Variants in WDR25 observed in about 807,000 individuals in gnomAD.
WDR25 encodes WD repeat-containing protein 25.
In WDR25, 35 loss-of-function variants were observed where a neutral mutation model predicts 47.7. The observed-to-expected ratio is 0.73, with a 90% CI of 0.56 to 0.97. The LOEUF (loss-of-function observed/expected upper bound fraction) is 0.97. Ranked by LOEUF, WDR25 falls within the 50% of genes least tolerant of loss-of-function variation. The probability of loss-of-function intolerance (pLI) is 0.00; values close to 1 mark genes in which losing one functional copy is unlikely to be tolerated. For missense variants in WDR25, 634 were observed against 704.7 expected, an observed-to-expected ratio of 0.90 and a Z score of 1.14; for synonymous variants, 248 against 278.9, an observed-to-expected ratio of 0.89 and a Z score of 1.10.
Position 100,452,632 on chromosome 14 carries a change from G to A in WDR25, c.823-15389G>A, listed in dbSNP as rs1899073008. Among the ~76,000 whole-genome samples the A allele has an allele frequency of 2.0e-5, 3 of 152,208 alleles. No homozygotes were observed. The South Asian group carries it at 6.2e-4, about 32-fold the overall frequency. On this transcript the variant is annotated intron_variant, in intron 2 of 6. Transcript: ENST00000402312. ...GCCAGGAGGCCAGTGCTGCTACAGT[G>A]GAGTCAGGGCAGGTGACACAAGATT...
chr14:100,455,240 TGGAACTGAAAAATACA>T (rs1899162672), intron 2 of WDR25: 1 of 152,220 alleles, frequency 6.6e-6, no homozygotes, highest in East Asian at 1.9e-4. Context: ...TGTTAAATTC[TGGAACTGAAAAATACA>T]GTATCTGAAA....
chr14:100,414,179 G>T (rs998552844), intron 2 of WDR25, among the ~76,000 whole-genome samples: 1 of 151,918 alleles, frequency 6.6e-6, no homozygotes, highest in Non-Finnish European at 1.5e-5. Flanking sequence ...TGTATTTTTA[G>T]TAGAGACGAG....
intron 2 of WDR25, among the ~76,000 whole-genome samples, chr14:100,426,705 T>C (rs1427852334): frequency 8.5e-5 from 13 of 152,188 alleles, no homozygotes; most frequent in East Asian, 3.9e-4. Context: ...CGGCTATCCA[T>C]CTTTCCCATG....
chr14:100,458,070 A>G (rs1899262617), intron 2 of WDR25, among the ~76,000 whole-genome samples: 1 of 152,214 alleles, frequency 6.6e-6, no homozygotes, highest in African/African-American at 2.4e-5. Context: ...TCAATTATGG[A>G]TGAAATGGTC....
intron 2 of WDR25, among the ~76,000 whole-genome samples, chr14:100,387,206 T>C (rs1176630867): frequency 1.3e-5 from 2 of 152,024 alleles, no homozygotes; most frequent in East Asian, 3.9e-4. Context: ...AGGAAGCATG[T>C]TTCTGATTCC....
At chr14:100,442,361 C>A (rs1898696251) in intron 2 of WDR25, among the ~76,000 whole-genome samples, 1 of 152,162 alleles carries the variant, frequency 6.6e-6, no homozygotes, top group South Asian at 2.1e-4. Flanking sequence ...GGGTCTTCAC[C>A]CTGGGGGAGC....
intron 4 of WDR25, among the ~76,000 whole-genome samples, chr14:100,509,869 A>G (rs555044127): frequency 1.6e-4 from 25 of 152,256 alleles, no homozygotes; most frequent in African/African-American, 6.0e-4. Context: ...GTTGAAAACA[A>G]TATCTGTGCC....
chr14:100,491,856 C>G (rs904829718), intron 4 of WDR25, among the ~76,000 whole-genome samples: 1 of 152,150 alleles, frequency 6.6e-6, no homozygotes, highest in Non-Finnish European at 1.5e-5. Flanking sequence ...TAACCTCAGG[C>G]CTGAAAACAG....
rs112916228 is a variant in WDR25, at chr14:100,498,079, A to G, written c.1101+13955A>G. On this transcript the variant is annotated intron_variant, in intron 4 of 6. Coordinates refer to ENST00000402312, the MANE Select transcript of WDR25 (RefSeq NM_001161476.3). This position sits in a 1 kb window ranked among gnomAD's most constrained non-coding sequence, Gnocchi z 4.2. ...TGTATGACTTTAGGAAAGTTTGTGC[A>G]ATTCAATTTGTGCCCCAACAAATAG... Among the ~76,000 whole-genome samples the G allele has an allele frequency of 2.6e-3, 399 of 152,344 alleles. 3 individuals carry two copies. The highest frequency in any genetic ancestry group is 0.013 in the East Asian group (66 of 5,188).
At chr14:100,448,196 A>AT (rs1898903001) in intron 2 of WDR25, among the ~76,000 whole-genome samples, 1 of 134,746 alleles carries the variant, frequency 7.4e-6, no homozygotes, top group Admixed American at 7.0e-5. Flanking sequence ...TCCGTCTCAA[A>AT]AAAAAAAAAA....
intron 2 of WDR25, among the ~76,000 whole-genome samples, chr14:100,382,572 G>A (rs926842497): frequency 6.6e-6 from 1 of 152,198 alleles, no homozygotes; most frequent in Non-Finnish European, 1.5e-5. Context: ...TGAAGTGATA[G>A]TAATGTAGTC....
At chr14:100,435,500 G>A (rs1898473402) in intron 2 of WDR25, among the ~76,000 whole-genome samples, 2 of 152,174 alleles carry the variant, frequency 1.3e-5, no homozygotes, top group Non-Finnish European at 2.9e-5. Flanking sequence ...AAAAATGATA[G>A]TGATATGTGA....
intron 2 of WDR25, among the ~76,000 whole-genome samples, chr14:100,448,210 A>AG (rs1329501628): frequency 2.0e-5 from 3 of 151,716 alleles, no homozygotes; most frequent in Non-Finnish European, 4.4e-5. Flanking sequence ...AAAAAAAAAA[A>AG]AAGAAGATTT....
chr14:100,450,312 C>T (rs1037015126), intron 2 of WDR25, among the ~76,000 whole-genome samples: 15 of 152,208 alleles, frequency 9.9e-5, no homozygotes, highest in African/African-American at 3.6e-4. Flanking sequence ...CACCTCACCC[C>T]TTCCTCTGGA....
intron 2 of WDR25, among the ~76,000 whole-genome samples, chr14:100,445,476 C>G (rs1196087746): frequency 6.6e-6 from 1 of 152,010 alleles, no homozygotes; most frequent in Non-Finnish European, 1.5e-5. Flanking sequence ...AAAACTCACA[C>G]CAAGGGTTTC....
Position 100,381,024 on chromosome 14 carries a change from G to A in WDR25, c.100G>A (p.Gly34Ser), listed in dbSNP as rs767532450. The change falls in exon 2 of 7, where the codon GGC becomes AGC. Residue 34 changes from glycine to serine, a missense_variant. Physicochemically the swap from Gly to Ser is moderately conservative, Grantham distance 56. Transcript: ENST00000402312. ...TEHAGSFNAT[G>S]QQKDTSGVAR... ...GCATGCAGGAAGTTTTAATGCTACC[G>A]GCCAGCAGAAAGACACTTCTGGTGT... 12 of 1,614,090 alleles carry A rather than the reference G, an allele frequency of 7.4e-6. No homozygotes were observed. Among genetic ancestry groups the A allele is most frequent in the South Asian group, 3.3e-5 (3 of 91,086 alleles).
At chr14:100,528,490 C>T (rs1486126596) in intron 5 of WDR25, among the ~76,000 whole-genome samples, 1 of 141,988 alleles carries the variant, frequency 7.0e-6, no homozygotes, top group African/African-American at 2.7e-5. Flanking sequence ...AGGCTGGTCT[C>T]GAACTCCTGG....
At chr14:100,452,797 G>T (rs147005675) in intron 2 of WDR25, among the ~76,000 whole-genome samples, 1 of 152,012 alleles carries the variant, frequency 6.6e-6, no homozygotes, top group Non-Finnish European at 1.5e-5. Context: ...CCAGTTTTTT[G>T]TTTTTTTCTA....
chr14:100,386,350 G>A (rs1481583014), intron 2 of WDR25, among the ~76,000 whole-genome samples: 1 of 152,162 alleles, frequency 6.6e-6, no homozygotes, highest in Non-Finnish European at 1.5e-5. Context: ...TGGGCTTATT[G>A]CATAGTATGT....
Sources: gnomAD v4.1 joint callset for allele counts (sites outside exome capture counted in the v4.1 genomes callset) on GRCh38, gnomAD v4.1.1 for gene constraint, Gnocchi (gnomAD v3.1) non-coding constraint, MANE v1.5 for transcripts, NCBI Gene and HGNC (gene_info 2026-07-23, HGNC 2026-07-21) for gene names.